EHBP1: variants seen among roughly 807,000 people sequenced by gnomAD.
EHBP1 encodes the protein EH domain binding protein 1.
EHBP1 carries 55 observed loss-of-function variants against 144.0 expected under a neutral mutation model. That is an observed-to-expected ratio of 0.38 (90% CI 0.31 to 0.48). The LOEUF (loss-of-function observed/expected upper bound fraction) is 0.48. Ranked by LOEUF, EHBP1 falls within the 20% of genes least tolerant of loss-of-function variation. The pLI, the probability that EHBP1 is intolerant of heterozygous loss-of-function variation, is 0.98. For synonymous variants in EHBP1, 469 were observed against 472.7 expected (o/e 0.99, Z 0.10); for missense variants, 1,200 against 1,364.2 (o/e 0.88, Z 1.90).
Position 62,864,904 on chromosome 2 carries a change from A to G in EHBP1, c.931A>G (p.Arg311Gly). The stretch of plus-strand genomic sequence containing the variant: ...CCAGTCTACAAAAAGAAAAAATATA[A>G]GACCTGTGGATATGAGCAAGTACCT... Reference protein sequence around the residue: ...PPQSTKRKNIRPVDMSKYLYA... With the variant: ...PPQSTKRKNIGPVDMSKYLYA... Residue 311 changes from arginine to glycine, a missense_variant, in exon 9 of 23, where the codon AGA becomes GGA. Around this residue, in one of 6 missense-constraint regions of EHBP1, gnomAD observed 266 missense variants for 262.4 expected, o/e 1.01. Transcript: ENST00000431489. 1 of 1,614,070 alleles carries G rather than the reference A, an allele frequency of 6.2e-7. No homozygotes were observed. The highest frequency in any genetic ancestry group is 8.5e-7 in the Non-Finnish European group (1 of 1,179,968).
chr2:62,971,216 T>C (rs74391509), intron 14 of EHBP1, among the ~76,000 whole-genome samples: 1,628 of 152,298 alleles, frequency 0.011, 20 homozygotes, highest in Non-Finnish European at 0.013. Flanking sequence ...TTCAAATCCA[T>C]TGGATTGAAA....
At chr2:62,900,081 C>G (rs1261001736) in intron 10 of EHBP1, among the ~76,000 whole-genome samples, 1 of 152,058 alleles carries the variant, frequency 6.6e-6, no homozygotes, top group African/African-American at 2.4e-5. Context: ...ATTTGGAAAA[C>G]CTCTGTTCAG....
chr2:63,024,059 G>A (rs1299479368), intron 19 of EHBP1, among the ~76,000 whole-genome samples: 1 of 152,036 alleles, frequency 6.6e-6, no homozygotes, highest in Non-Finnish European at 1.5e-5. Flanking sequence ...CAAAGTGGGA[G>A]GATCAGCCAG....
chr2:62,863,658 T>C (rs962971236), intron 8 of EHBP1, among the ~76,000 whole-genome samples: 9 of 151,958 alleles, frequency 5.9e-5, no homozygotes, highest in African/African-American at 2.2e-4. Flanking sequence ...AACCTCCTCT[T>C]TGAAAACTTT....
intron 21 of EHBP1, chr2:63,043,920 CTTTTTTTTTTTTTTTTTTTTTTTTTT>C (rs70962802): frequency 1.1e-3 from 10 of 9,404 alleles, no homozygotes; most frequent in African/African-American, 1.7e-3. Context: ...GGCCATGGTT[CTTTTTTTTTTTTTTTTTTTTTTTTTT>C]TTTTTTTTTT....
chr2:62,781,681 C>T (rs1241231137), intron 5 of EHBP1, among the ~76,000 whole-genome samples: 1 of 152,092 alleles, frequency 6.6e-6, no homozygotes, highest in African/African-American at 2.4e-5. Context: ...AACAGCATGT[C>T]GTTCACTAGA....
intron 5 of EHBP1, among the ~76,000 whole-genome samples, chr2:62,796,941 T>A (rs2043580338): frequency 6.6e-6 from 1 of 152,110 alleles, no homozygotes; most frequent in African/African-American, 2.4e-5. Flanking sequence ...ACATATACAC[T>A]GTTTTAAAAC....
At chr2:62,850,363 C>T (rs908955389) in intron 7 of EHBP1, among the ~76,000 whole-genome samples, 2 of 152,090 alleles carry the variant, frequency 1.3e-5, no homozygotes, top group Non-Finnish European at 2.9e-5. Flanking sequence ...CGTCACTTGT[C>T]GTGCTGCCAT....
chr2:62,849,009 G>A (rs1297393626), intron 7 of EHBP1, among the ~76,000 whole-genome samples: 2 of 152,094 alleles, frequency 1.3e-5, no homozygotes, highest in African/African-American at 4.8e-5. Flanking sequence ...CTACTGTGTG[G>A]TATAGCTGGT....
At chr2:63,006,101 G>C (rs184170072) in intron 19 of EHBP1, among the ~76,000 whole-genome samples, 1 of 151,886 alleles carries the variant, frequency 6.6e-6, no homozygotes, top group Non-Finnish European at 1.5e-5. Context: ...ACACTTTTGC[G>C]TATCTTTCCA....
chr2:62,845,667 C>G (rs1409497483), intron 7 of EHBP1, among the ~76,000 whole-genome samples: 1 of 137,610 alleles, frequency 7.3e-6, no homozygotes, highest in African/African-American at 2.7e-5. Context: ...ATCTCGTGAA[C>G]AAAATCATAG....
intron 1 of EHBP1, among the ~76,000 whole-genome samples, chr2:62,688,869 AT>A (rs2033809835): frequency 6.6e-6 from 1 of 152,204 alleles, no homozygotes; most frequent in East Asian, 1.9e-4. Context: ...TTGTACATTA[AT>A]CCCCCTTTTT....
At chr2:62,933,504 G>A (rs1012347627) in intron 10 of EHBP1, among the ~76,000 whole-genome samples, 2 of 152,096 alleles carry the variant, frequency 1.3e-5, no homozygotes, top group African/African-American at 4.8e-5. Context: ...ATTTTCAACT[G>A]CATCTTTTAT....
At chr2:62,892,010 A>C (rs1178206675) in intron 10 of EHBP1, among the ~76,000 whole-genome samples, 1 of 152,168 alleles carries the variant, frequency 6.6e-6, no homozygotes, top group Non-Finnish European at 1.5e-5. Context: ...ATTACTGTAT[A>C]GTAAAATATG....
chr2:62,750,691 T>A (rs1361360415), intron 3 of EHBP1, among the ~76,000 whole-genome samples: 1 of 152,212 alleles, frequency 6.6e-6, no homozygotes, highest in African/African-American at 2.4e-5. Context: ...CTTGAAGAAG[T>A]CCTTCACATC....
intron 5 of EHBP1, among the ~76,000 whole-genome samples, chr2:62,782,318 A>G (rs999646807): frequency 6.6e-6 from 1 of 152,212 alleles, no homozygotes; most frequent in Non-Finnish European, 1.5e-5. Context: ...ACCAGTTAAT[A>G]TGGACTGAAA....
intron 10 of EHBP1, among the ~76,000 whole-genome samples, chr2:62,905,968 A>T (rs1001139000): frequency 6.6e-6 from 1 of 152,118 alleles, no homozygotes; most frequent in Non-Finnish European, 1.5e-5. Flanking sequence ...AGATAAATAT[A>T]AGATTTTTAA....
At chr2:62,888,702 T>C (rs529991944) in intron 10 of EHBP1, among the ~76,000 whole-genome samples, 17 of 152,326 alleles carry the variant, frequency 1.1e-4, no homozygotes, top group African/African-American at 4.1e-4. Flanking sequence ...GTGCTATTGC[T>C]GTATATTGGC....
At chr2:62,958,954 A>G (rs2057858924) in intron 14 of EHBP1, among the ~76,000 whole-genome samples, 1 of 152,188 alleles carries the variant, frequency 6.6e-6, no homozygotes. Flanking sequence ...AGTGGATACA[A>G]TGTTTTATTG....
Sources: gnomAD v4.1 joint callset for allele counts (sites outside exome capture counted in the v4.1 genomes callset) on GRCh38, gnomAD v4.1.1 for gene constraint, gnomAD v4.1.1 regional missense constraint, MANE v1.5 for transcripts, NCBI Gene and HGNC (gene_info 2026-07-23, HGNC 2026-07-21) for gene names.